Variants in DPY19L4 observed in about 807,000 individuals in gnomAD.
DPY19L4 encodes probable C-mannosyltransferase DPY19L4.
Under a neutral mutation model 102.8 loss-of-function variants are expected in DPY19L4, and 97 were observed. That is an observed-to-expected ratio of 0.94 (90% CI 0.80 to 1.12). The LOEUF (loss-of-function observed/expected upper bound fraction) is 1.12, where lower values mean the gene tolerates loss of function less well. Ranked by LOEUF, DPY19L4 falls within the 50% of genes most tolerant of loss-of-function variation. DPY19L4 has a pLI of 0.00. For missense variants in DPY19L4, 815 were observed against 850.4 expected (o/e 0.96, Z 0.52); for synonymous variants, 252 against 283.1 (o/e 0.89, Z 1.10).
intron 14 of DPY19L4, among the ~76,000 whole-genome samples, chr8:94,779,565 G>C (rs1813340660): frequency 6.6e-6 from 1 of 151,836 alleles, no homozygotes; most frequent in Admixed American, 6.6e-5. Context: ...CTGGACTCAA[G>C]CAATCCTCCC....
chr8:94,735,172 CAT>C (rs1811141596), intron 3 of DPY19L4, among the ~76,000 whole-genome samples: 2 of 152,288 alleles, frequency 1.3e-5, no homozygotes, highest in South Asian at 2.1e-4. Flanking sequence ...GATTTTGTCT[CAT>C]ATTACTGTGT....
At chr8:94,762,959 T>A (rs1390228772) in intron 8 of DPY19L4, among the ~76,000 whole-genome samples, 1 of 151,840 alleles carries the variant, frequency 6.6e-6, no homozygotes, top group Admixed American at 6.6e-5. Flanking sequence ...TCTCTCTTTT[T>A]TTTTTTTGAG....
chr8:94,738,441 G>T lies in DPY19L4; in HGVS notation c.325G>T (p.Ala109Ser). The change falls in exon 4 of 19, where the codon GCA becomes TCA. Residue 109 changes from alanine (A) to serine (S), a missense_variant. By Grantham distance (99) the Ala-to-Ser change is moderately conservative. Coordinates refer to ENST00000414645, the MANE Select transcript of DPY19L4 (RefSeq NM_181787.3). ...CTCCTATTATAAAGATATGTTAAAG[G>T]CACCTTCATTTGAAAGAGGTATGAT... The part of the protein sequence containing the change: ...YYSYYKDMLK[A>S]PSFERGVYEL... 3.2e-6 allele frequency: 5 copies of T among 1,550,584 alleles called. No individual in the cohort carries two copies. Among genetic ancestry groups the T allele is most frequent in the South Asian group, 1.3e-5 (1 of 77,706 alleles).
At chr8:94,782,833 C>G (rs900286616) in intron 16 of DPY19L4, among the ~76,000 whole-genome samples, 1 of 152,052 alleles carries the variant, frequency 6.6e-6, no homozygotes, top group African/African-American at 2.4e-5. Flanking sequence ...TTGAACACTG[C>G]CTTGTGTTAT....
chr8:94,765,261 G>C lies in DPY19L4; in HGVS notation c.949G>C (p.Val317Leu). The stretch of plus-strand genomic sequence containing the variant: ...ACAGTTTGAGAATCCAGCTTTGTTG[G>C]TATCTCCTTTATTAAGTTTAGTAGC... The part of the protein sequence containing the change: ...LLQFENPALL[V>L]SPLLSLVAAL... Residue 317 changes from valine (V) to leucine (L), a missense_variant, in exon 9 of 19, where the codon GTA becomes CTA. Transcript: ENST00000414645. 1 of 1,609,774 alleles carries C rather than the reference G, an allele frequency of 6.2e-7. No individual in the cohort carries two copies. The highest frequency in any genetic ancestry group is 1.7e-4 in the Middle Eastern group (1 of 6,010).
intron 13 of DPY19L4, among the ~76,000 whole-genome samples, chr8:94,774,349 A>T (rs1813072835): frequency 6.6e-6 from 1 of 151,262 alleles, no homozygotes; most frequent in Admixed American, 6.8e-5. Flanking sequence ...GCCCAGCTAC[A>T]TTTAAGTTTT....
intron 13 of DPY19L4, among the ~76,000 whole-genome samples, chr8:94,775,121 T>A (rs1168734318): frequency 6.6e-6 from 1 of 152,180 alleles, no homozygotes; most frequent in African/African-American, 2.4e-5. Flanking sequence ...TGTATTCCAA[T>A]TTTTTTGTGT....
chr8:94,779,635 G>T (rs562491273), intron 14 of DPY19L4, among the ~76,000 whole-genome samples: 2 of 152,146 alleles, frequency 1.3e-5, no homozygotes, highest in East Asian at 3.9e-4. Context: ...CCATGCCCAG[G>T]TTTTTCTGAC....
intron 15 of DPY19L4, 23 bp from the exon 16 acceptor site, chr8:94,781,056 ATTTTT>A: frequency 2.4e-5 from 29 of 1,200,326 alleles, no homozygotes; most frequent in East Asian, 5.4e-5. Flanking sequence ...TCTTTTGGGG[ATTTTT>A]TTTTTTTTTT....
At chr8:94,720,894 G>A (rs145552921) in intron 1 of DPY19L4, among the ~76,000 whole-genome samples, 1 of 152,052 alleles carries the variant, frequency 6.6e-6, no homozygotes, top group African/African-American at 2.4e-5. Flanking sequence ...TTTACCTTAT[G>A]AGTGGAGCTG....
chr8:94,774,733 A>C (rs1419213356), intron 13 of DPY19L4, among the ~76,000 whole-genome samples: 1 of 151,872 alleles, frequency 6.6e-6, no homozygotes, highest in African/African-American at 2.4e-5. Flanking sequence ...ATGCACCACC[A>C]TGCCCAGCTA....
intron 6 of DPY19L4, among the ~76,000 whole-genome samples, chr8:94,747,330 G>A (rs1238286366): frequency 6.6e-6 from 1 of 152,022 alleles, no homozygotes; most frequent in Non-Finnish European, 1.5e-5. Context: ...TGGGATTACA[G>A]ACATGAGCCA....
chr8:94,769,551 T>C (rs1300457008), intron 12 of DPY19L4, among the ~76,000 whole-genome samples: 1 of 152,164 alleles, frequency 6.6e-6, no homozygotes. Flanking sequence ...TATAAGTAAT[T>C]TTAAATTATA....
At chr8:94,765,126 A>C (rs1586386570) in intron 8 of DPY19L4, 57 bp from the exon 9 acceptor site, 1 of 1,225,108 alleles carries the variant, frequency 8.2e-7, no homozygotes, top group East Asian at 2.5e-5. Flanking sequence ...AAAACAAATG[A>C]AAATATGTAT....
chr8:94,761,262 A>G (rs1201263607), intron 7 of DPY19L4, among the ~76,000 whole-genome samples: 4 of 152,220 alleles, frequency 2.6e-5, no homozygotes, highest in Non-Finnish European at 1.5e-5. Context: ...AGGGAAAAAT[A>G]GGAAATTATT....
intron 6 of DPY19L4, among the ~76,000 whole-genome samples, chr8:94,746,011 C>G (rs1811654593): frequency 6.6e-6 from 1 of 151,646 alleles, no homozygotes; most frequent in African/African-American, 2.4e-5. Flanking sequence ...ACCTCAGCCT[C>G]CCAACATGCT....
rs1274194877 is a variant in DPY19L4, at chr8:94,789,895, AT to A, written c.2158del (p.Ser720ProfsTer7). On this transcript the variant is annotated frameshift_variant, in exon 19 of 19. Transcript: ENST00000414645. LOFTEE classifies it high-confidence loss of function. Reference sequence around the variant, plus strand: ...TTGTATATAAAATCAACACTGTGATATCCTTCCAGTCTTGAAAAATAACAGA... The same window carrying A: ...TTGTATATAAAATCAACACTGTGATACCTTCCAGTCTTGAAAAATAACAGA... ...YFVYKINTVISFQS is the reference protein window; with the variant it reads ...YFVYKINTVIXFQS 1.9e-6 allele frequency: 3 copies of A among 1,596,624 alleles called. No individual in the cohort carries two copies. The East Asian group carries it at 6.8e-5, about 36-fold the overall frequency.
chr8:94,750,072 C>T (rs143053642), intron 6 of DPY19L4, among the ~76,000 whole-genome samples: 5,590 of 152,262 alleles, frequency 0.037, 268 homozygotes, highest in African/African-American at 0.11. Context: ...TCTCATGCCT[C>T]AGCCTCTTGA....
intron 13 of DPY19L4, among the ~76,000 whole-genome samples, chr8:94,773,919 C>A (rs1813050032): frequency 1.3e-5 from 2 of 150,524 alleles, no homozygotes; most frequent in South Asian, 4.2e-4. Context: ...TCTGTGGTCC[C>A]AGCCACTATG....
Sources: allele counts gnomAD v4.1 joint callset (sites outside exome capture counted in the v4.1 genomes callset), GRCh38; gene constraint gnomAD v4.1.1; transcripts MANE v1.5; gene names NCBI Gene and HGNC (gene_info 2026-07-23, HGNC 2026-07-21).